BCAS3: variants seen among roughly 807,000 people sequenced by gnomAD.
BCAS3 encodes BCAS4/BCAS3 fusion.
In BCAS3, 53 loss-of-function variants were observed where a neutral mutation model predicts 116.1. That is an observed-to-expected ratio of 0.46 (90% CI 0.37 to 0.57). The LOEUF is 0.57. Among genes scored for constraint, BCAS3 ranks in the 20% least tolerant of loss-of-function variants. The pLI is 0.00. For synonymous variants in BCAS3, 391 were observed against 408.2 expected (o/e 0.96, Z 0.51); for missense variants, 917 against 1,165.4 (o/e 0.79, Z 3.10).
chr17:60,954,014 G>A (rs983394715), intron 14 of BCAS3, among the ~76,000 whole-genome samples: 2 of 152,100 alleles, frequency 1.3e-5, no homozygotes, highest in Admixed American at 6.5e-5. Context: ...GATTACAGGC[G>A]TGAGCCACTG....
At chr17:60,802,371 CATATAT>C (rs533515914) in intron 6 of BCAS3, among the ~76,000 whole-genome samples, 1 of 111,946 alleles carries the variant, frequency 8.9e-6, no homozygotes, top group Non-Finnish European at 1.9e-5. Context: ...TACATACATA[CATATAT>C]ATATATATAT....
chr17:60,710,008 G>A (rs1260967470), intron 5 of BCAS3, among the ~76,000 whole-genome samples: 1 of 151,962 alleles, frequency 6.6e-6, no homozygotes, highest in East Asian at 1.9e-4. Flanking sequence ...ATTGAGATGG[G>A]GTCTGGCTGT....
At chr17:60,729,031 C>T (rs2040196928) in intron 5 of BCAS3, among the ~76,000 whole-genome samples, 2 of 152,034 alleles carry the variant, frequency 1.3e-5, no homozygotes, top group South Asian at 4.1e-4. Flanking sequence ...CTATTCTGAC[C>T]CCATATTAGT....
chr17:61,045,999 ATAATAT>A (rs2068185543), intron 19 of BCAS3, among the ~76,000 whole-genome samples: 1 of 10,804 alleles, frequency 9.3e-5, no homozygotes, highest in Non-Finnish European at 1.4e-4. Context: ...TTATATATAT[ATAATAT>A]ATATATTTAT....
chr17:61,212,629 A>G (rs188285905), intron 22 of BCAS3, among the ~76,000 whole-genome samples: 7 of 152,082 alleles, frequency 4.6e-5, no homozygotes, highest in Admixed American at 3.9e-4. Flanking sequence ...ACATATAAAC[A>G]TATAAATATT....
intron 14 of BCAS3, among the ~76,000 whole-genome samples, chr17:60,973,271 C>T (rs1434372051): frequency 1.3e-5 from 2 of 152,044 alleles, no homozygotes; most frequent in Non-Finnish European, 2.9e-5. Flanking sequence ...ATGTTAATTT[C>T]CTTTATCAGG....
rs1042597296 is a variant in BCAS3, at chr17:61,339,378, G to A, written c.2426-28949G>A. 1.3e-5 allele frequency among the ~76,000 whole-genome samples: 2 copies of A among 152,178 alleles called. No individual in the cohort carries two copies. Among genetic ancestry groups the A allele is most frequent in the Non-Finnish European group, 1.5e-5 (1 of 68,042 alleles). On this transcript the variant is annotated intron_variant, in intron 22 of 23. Transcript: ENST00000407086. This position sits in a 1 kb window ranked among gnomAD's most constrained non-coding sequence, Gnocchi z 4.4. Reference sequence around the variant, plus strand: ...ATACAATGGGAAGGCCCATGAAGCCGCCTAAAGGAGCTCAAACTAGCATTT... The same window carrying A: ...ATACAATGGGAAGGCCCATGAAGCCACCTAAAGGAGCTCAAACTAGCATTT...
At position 61,017,851 on chromosome 17, in the gene BCAS3, T is replaced by C. The variant is rs1466502918; in HGVS notation, c.1637+1950T>C. Among the ~76,000 whole-genome samples, 1 of 152,172 alleles carries C rather than the reference T, an allele frequency of 6.6e-6. No individual in the cohort carries two copies. The highest frequency in any genetic ancestry group is 2.4e-5 in the African/African-American group (1 of 41,460). On this transcript the variant is annotated intron_variant, in intron 16 of 23. Coordinates refer to ENST00000407086, the MANE Select transcript of BCAS3 (RefSeq NM_017679.5). The surrounding 1 kb of genome is among the most constrained non-coding windows in gnomAD (Gnocchi z 4.7). ...CGATTTCTCTCTACACTGAGATGAA[T>C]AGAAACTGTTAGTCATTTGGTGTCC...
rs1483109412 is a variant in BCAS3, at chr17:61,087,066, A to T, written c.2425+2502A>T. 8.1e-6 allele frequency: 8 copies of T among 985,080 alleles called. No homozygotes were observed. The highest frequency in any genetic ancestry group is 9.6e-6 in the Non-Finnish European group (8 of 829,586). 61.0% of individuals were successfully genotyped at this position (985,080 alleles called of 1,614,324 possible). A position where few individuals can be genotyped will look rare whatever the true frequency, so the allele number is the denominator to read the frequency against. ...AATAATTTGAGTTCTTTATGTAAACATATTTATGGGAAAATTTTGTTGTAG... is the reference window on the plus strand; with the variant it reads ...AATAATTTGAGTTCTTTATGTAAACTTATTTATGGGAAAATTTTGTTGTAG... On this transcript the variant is annotated intron_variant, in intron 22 of 23. Coordinates refer to ENST00000407086, the MANE Select transcript of BCAS3 (RefSeq NM_017679.5). The surrounding 1 kb of genome is among the most constrained non-coding windows in gnomAD (Gnocchi z 4.6).
intron 22 of BCAS3, among the ~76,000 whole-genome samples, chr17:61,328,122 T>C (rs901428327): frequency 6.6e-6 from 1 of 151,950 alleles, no homozygotes; most frequent in African/African-American, 2.4e-5. Context: ...TAACAATAAA[T>C]TTTAGTATGC....
chr17:61,146,364 C>T (rs2077212888), intron 22 of BCAS3, among the ~76,000 whole-genome samples: 1 of 151,592 alleles, frequency 6.6e-6, no homozygotes, highest in Non-Finnish European at 1.5e-5. Context: ...GGATCCATCC[C>T]CCTCGGCCTC....
chr17:61,178,644 T>G (rs1195539679), intron 22 of BCAS3, among the ~76,000 whole-genome samples: 1 of 152,198 alleles, frequency 6.6e-6, no homozygotes, highest in South Asian at 2.1e-4. Context: ...AATGTTACAA[T>G]ACAAATGTAT....
chr17:61,355,116 G>C lies in BCAS3; in HGVS notation c.2426-13211G>C, dbSNP rs189553237. ...CGCCAGCTGGGGAGGCAGAGAGTTC[G>C]CACTCTGAGGAAACGCAGATCCTCA... On this transcript the variant is annotated intron_variant, in intron 22 of 23. Coordinates refer to ENST00000407086, the MANE Select transcript of BCAS3 (RefSeq NM_017679.5). The surrounding 1 kb of genome is among the most constrained non-coding windows in gnomAD (Gnocchi z 4.2). The C allele has an allele frequency of 2.0e-5, 3 of 152,256 alleles. No individual in the cohort carries two copies. In the East Asian group the frequency reaches 5.8e-4, roughly 29 times the overall value. 9.4% of individuals were successfully genotyped at this position (152,256 alleles called of 1,614,324 possible).
intron 22 of BCAS3, among the ~76,000 whole-genome samples, chr17:61,193,282 T>A (rs773293215): frequency 1.3e-5 from 2 of 151,282 alleles, no homozygotes; most frequent in Non-Finnish European, 2.9e-5. Context: ...AATAAATAAA[T>A]AAAAATTTAA....
At position 61,239,481 on chromosome 17, in the gene BCAS3, T is replaced by A. The variant is rs756171309; in HGVS notation, c.2426-128846T>A. On this transcript the variant is annotated intron_variant, in intron 22 of 23. Transcript: ENST00000407086. This position sits in a 1 kb window ranked among gnomAD's most constrained non-coding sequence, Gnocchi z 4.2. ...CGCTTTCTGTAACTTATGAAGCTTT[T>A]GGAAATTTGGTCTAGTGATGAGTAA... Among the ~76,000 whole-genome samples, 3 of 152,244 alleles carry A rather than the reference T, an allele frequency of 2.0e-5. No individual in the cohort carries two copies. The highest frequency in any genetic ancestry group is 2.9e-5 in the Non-Finnish European group (2 of 68,044).
rs1000131793 is a variant in BCAS3 at position 61,128,979 on chromosome 17, CAGAG to C, written c.2425+44419_2425+44422del. 3.9e-5 allele frequency among the ~76,000 whole-genome samples: 6 copies of C among 152,314 alleles called. No individual in the cohort carries two copies. Among genetic ancestry groups the C allele is most frequent in the African/African-American group, 1.4e-4 (6 of 41,570 alleles). On this transcript the variant is annotated intron_variant, in intron 22 of 23. Coordinates refer to ENST00000407086, the MANE Select transcript of BCAS3 (RefSeq NM_017679.5). This position sits in a 1 kb window ranked among gnomAD's most constrained non-coding sequence, Gnocchi z 4.1. ...TATTGAGTTCTCCGCAGTTTTCTAA[CAGAG>C]AGATTTAGTTTGGCAGCTGATCCAG...
At chr17:60,691,767 C>T (rs376861770) in intron 4 of BCAS3, among the ~76,000 whole-genome samples, 2 of 149,890 alleles carry the variant, frequency 1.3e-5, no homozygotes, top group South Asian at 2.1e-4. Context: ...GTCTGAGTGT[C>T]GCTTTTACAG....
chr17:61,063,276 G>GT lies in BCAS3; in HGVS notation c.2030-11633dup, dbSNP rs1418232530. Among the ~76,000 whole-genome samples, 3,067 of 145,614 alleles carry GT rather than the reference G, an allele frequency of 0.021. 96 individuals are homozygous for GT. Among genetic ancestry groups the GT allele is most frequent in the African/African-American group, 0.068 (2,705 of 40,048 alleles). On this transcript the variant is annotated intron_variant, in intron 19 of 23. Transcript: ENST00000407086. The surrounding 1 kb of genome is among the most constrained non-coding windows in gnomAD (Gnocchi z 5.3). ...AGTTTTTTGTTTTTTTGTTGTTTTG[G>GT]TTTTTTTTTTTGAGGCAGAGTCTTG...
intron 14 of BCAS3, among the ~76,000 whole-genome samples, chr17:60,958,837 A>G (rs1429978280): frequency 6.6e-6 from 1 of 152,226 alleles, no homozygotes; most frequent in African/African-American, 2.4e-5. Flanking sequence ...ATTCCCACAC[A>G]TGTGGAGACA....
Sources: gnomAD v4.1 joint callset for allele counts (sites outside exome capture counted in the v4.1 genomes callset) on GRCh38, gnomAD v4.1.1 for gene constraint, Gnocchi (gnomAD v3.1) non-coding constraint, MANE v1.5 for transcripts, NCBI Gene and HGNC (gene_info 2026-07-23, HGNC 2026-07-21) for gene names.